Variants in THSD4 observed in about 807,000 individuals in gnomAD.
The protein encoded by THSD4 is thrombospondin type-1 domain-containing protein 4.
THSD4 carries 69 observed loss-of-function variants against 119.0 expected under a neutral mutation model. That is an observed-to-expected ratio of 0.58 (90% CI 0.48 to 0.71). THSD4 has a LOEUF of 0.71. THSD4 is among the 30% of genes least tolerant of loss of function. THSD4 has a pLI of 0.00. For missense variants in THSD4, 1,393 were observed against 1,391.1 expected (o/e 1.00, Z -0.02); for synonymous variants, 524 against 540.4 (o/e 0.97, Z 0.42).
chr15:71,144,040 T>G (rs900836138), intron 2 of THSD4, among the ~76,000 whole-genome samples: 3 of 152,196 alleles, frequency 2.0e-5, no homozygotes, highest in Non-Finnish European at 4.4e-5. Context: ...GCTACCCTTG[T>G]GGTGGAGCTC....
intron 7 of THSD4, among the ~76,000 whole-genome samples, chr15:71,556,908 T>G (rs1342703727): frequency 1.3e-5 from 2 of 152,200 alleles, no homozygotes; most frequent in African/African-American, 4.8e-5. Context: ...TTGGCTTTTT[T>G]CCTTTTCCAA....
intron 6 of THSD4, among the ~76,000 whole-genome samples, chr15:71,292,775 C>T (rs1432060521): frequency 6.6e-6 from 1 of 150,578 alleles, no homozygotes; most frequent in Non-Finnish European, 1.5e-5. Flanking sequence ...CTCCCGGGTT[C>T]ACACCATTCT....
chr15:71,353,185 G>A (rs139712786), intron 6 of THSD4, among the ~76,000 whole-genome samples: 113 of 152,246 alleles, frequency 7.4e-4, no homozygotes, highest in Non-Finnish European at 1.3e-3. Flanking sequence ...GAAGGAGTGC[G>A]TCTACACTTT....
intron 6 of THSD4, among the ~76,000 whole-genome samples, chr15:71,294,741 T>C (rs1237788685): frequency 6.6e-6 from 1 of 152,136 alleles, no homozygotes; most frequent in Admixed American, 6.6e-5. Context: ...TCCTCTTAGA[T>C]AGAAGACAGA....
At chr15:71,655,749 C>A (rs994514404) in intron 7 of THSD4, among the ~76,000 whole-genome samples, 1 of 152,150 alleles carries the variant, frequency 6.6e-6, no homozygotes, top group Non-Finnish European at 1.5e-5. Context: ...TCCTGCCCAC[C>A]CAAAGCAGTG....
At chr15:71,110,898 G>A (rs1471524781), upstream of THSD4, 9 of 516,176 alleles carry the variant, frequency 1.7e-5, no homozygotes, top group Admixed American at 1.0e-4. Flanking sequence ...AGAAGAGGAG[G>A]CCCTGGGCGT....
chr15:71,525,040 G>A (rs1331066275), intron 7 of THSD4, among the ~76,000 whole-genome samples: 2 of 151,072 alleles, frequency 1.3e-5, no homozygotes, highest in African/African-American at 4.9e-5. Flanking sequence ...CTTCAATCTT[G>A]AGCTCTCACC....
chr15:71,188,531 G>T (rs145669132), intron 3 of THSD4, among the ~76,000 whole-genome samples: 110 of 152,232 alleles, frequency 7.2e-4, no homozygotes, highest in African/African-American at 2.5e-3. Flanking sequence ...TGGTCCTGGC[G>T]TAGGACTGGT....
intron 7 of THSD4, among the ~76,000 whole-genome samples, chr15:71,455,802 T>C (rs1047935199): frequency 2.0e-5 from 3 of 152,154 alleles, no homozygotes; most frequent in African/African-American, 7.2e-5. Context: ...AAAGACAAAA[T>C]TGCTCTCTTC....
intron 5 of THSD4, among the ~76,000 whole-genome samples, chr15:71,244,010 C>T (rs1415231019): frequency 6.6e-6 from 1 of 151,570 alleles, no homozygotes; most frequent in Non-Finnish European, 1.5e-5. Flanking sequence ...TGGTTTCGAT[C>T]TCTTGACCTT....
intron 8 of THSD4, among the ~76,000 whole-genome samples, chr15:71,711,083 G>GTA (rs56201476): frequency 5.1e-4 from 66 of 128,190 alleles, no homozygotes; most frequent in South Asian, 2.2e-3. Flanking sequence ...ATATATATAT[G>GTA]TATATATATA....
At chr15:71,181,545 CT>C (rs200992278) in intron 3 of THSD4, among the ~76,000 whole-genome samples, 2,470 of 152,312 alleles carry the variant, frequency 0.016, 29 homozygotes, top group Non-Finnish European at 0.025. Context: ...TGACTTCTTT[CT>C]GAGTATGCTT....
chr15:71,558,774 G>A (rs1168257639), intron 7 of THSD4, among the ~76,000 whole-genome samples: 1 of 152,120 alleles, frequency 6.6e-6, no homozygotes, highest in Non-Finnish European at 1.5e-5. Context: ...CCTGGCCTCA[G>A]TTTTAAATAT....
intron 6 of THSD4, among the ~76,000 whole-genome samples, chr15:71,407,926 G>A (rs12439393): frequency 0.42 from 64,367 of 151,910 alleles, 13,877 homozygotes; most frequent in Non-Finnish European, 0.47. Flanking sequence ...GACCACAGTA[G>A]GAACCACTGC....
intron 6 of THSD4, among the ~76,000 whole-genome samples, chr15:71,375,979 C>T (rs868666124): frequency 2.6e-5 from 4 of 152,230 alleles, no homozygotes; most frequent in Admixed American, 6.5e-5. Context: ...GACCAATGTA[C>T]TGTCACATAC....
In THSD4 at chr15:71,482,277, G is replaced by T. The variant is rs1465011848; in HGVS notation, c.1152+70454G>T. Reference sequence around the variant, plus strand: ...TGAGTTCAAGGCAGACAGAAAGATGGAAAGGACTGTACTGTAACTTTTTTT... The same window carrying T: ...TGAGTTCAAGGCAGACAGAAAGATGTAAAGGACTGTACTGTAACTTTTTTT... On this transcript the variant is annotated intron_variant, in intron 7 of 17. Transcript: ENST00000261862. 2.0e-5 allele frequency among the ~76,000 whole-genome samples: 3 copies of T among 148,120 alleles called. No individual in the cohort carries two copies. In the East Asian group the frequency reaches 6.1e-4, roughly 30 times the overall value.
At chr15:71,394,881 T>C (rs894885628) in intron 6 of THSD4, among the ~76,000 whole-genome samples, 10 of 152,352 alleles carry the variant, frequency 6.6e-5, no homozygotes, top group African/African-American at 2.4e-4. Flanking sequence ...CTCCACCCGC[T>C]TCTACTCAGC....
intron 7 of THSD4, among the ~76,000 whole-genome samples, chr15:71,633,824 T>C (rs890780922): frequency 2.0e-5 from 3 of 152,132 alleles, no homozygotes; most frequent in African/African-American, 7.2e-5. Context: ...TAGTCCAATG[T>C]CCACTGCTTA....
At chr15:71,697,609 T>G (rs2052191975) in intron 8 of THSD4, among the ~76,000 whole-genome samples, 1 of 152,208 alleles carries the variant, frequency 6.6e-6, no homozygotes, top group African/African-American at 2.4e-5. Flanking sequence ...ATGTGGTGAT[T>G]ATGGACATCA....
Sources: gnomAD v4.1 joint callset for allele counts (sites outside exome capture counted in the v4.1 genomes callset) on GRCh38, gnomAD v4.1.1 for gene constraint, MANE v1.5 for transcripts, NCBI Gene and HGNC (gene_info 2026-07-23, HGNC 2026-07-21) for gene names.